The following SRCAP variants were observed in gnomAD, a reference collection of about 807,000 sequenced individuals.
The protein encoded by SRCAP is Snf2 related CREBBP activator protein, also known as chromatin remodeling protein SRCAP.
In SRCAP, 46 loss-of-function variants were observed where a neutral mutation model predicts 263.1. The ratio of observed to expected loss-of-function variants is 0.17; its 90% CI spans 0.14 to 0.22. The LOEUF (loss-of-function observed/expected upper bound fraction) is 0.22. Ranked by LOEUF, SRCAP falls within the 10% of genes least tolerant of loss-of-function variation. SRCAP has a pLI of 1.00. For synonymous variants in SRCAP, 1,813 were observed against 1,662.1 expected (o/e 1.09, Z -2.21); for missense variants, 3,695 against 4,181.9 (o/e 0.88, Z 3.21).
chr16:30,733,529 G>A lies in SRCAP; in HGVS notation c.6298-73G>A. ...CCCAGGATTTGGGCTTCCAGACGGG[G>A]TGCCACTAAGCCTTTAGACCTGTTT... On this transcript the variant is annotated intron_variant, in intron 28 of 33. Coordinates refer to ENST00000262518, the MANE Select transcript of SRCAP (RefSeq NM_006662.3). The surrounding 1 kb of genome is among the most constrained non-coding windows in gnomAD (Gnocchi z 5.3). The A allele has an allele frequency of 6.2e-7, 1 of 1,605,008 alleles. No homozygotes were observed. The highest frequency in any genetic ancestry group is 8.5e-7 in the Non-Finnish European group (1 of 1,174,372).
At chr16:30,722,312 G>T in intron 22 of SRCAP, 26 bp downstream of exon 22, 2 of 1,603,346 alleles carry the variant, frequency 1.2e-6, no homozygotes, top group Non-Finnish European at 1.7e-6. Context: ...CCCCTGTCCT[G>T]CCTTTTTCCT....
intron 25 of SRCAP, among the ~76,000 whole-genome samples, chr16:30,727,638 C>T (rs1428283965): frequency 1.3e-5 from 2 of 152,104 alleles, no homozygotes; most frequent in East Asian, 1.9e-4. Flanking sequence ...CTGCAACCTC[C>T]GCCTCCCAGG....
Position 30,723,035 on chromosome 16 carries a change from C to T in SRCAP, c.3965C>T (p.Thr1322Ile). ...AGACAAGCCCCTCGGGATGGACTGA[C>T]TCCTGTTCCTCCATTGGCCCCAGCA... ...VVRQAPRDGL[T>I]PVPPLAPAPR... Residue 1322 changes from threonine to isoleucine, a missense_variant, in exon 24 of 34, where the codon ACT becomes ATT. By Grantham distance (89) the Thr-to-Ile change is moderately conservative. Around this residue, in one of 12 missense-constraint regions of SRCAP, gnomAD observed 1,347 missense variants for 1,304.4 expected, o/e 1.03. Transcript: ENST00000262518. The T allele has an allele frequency of 1.2e-6, 2 of 1,614,122 alleles. No homozygotes were observed. Among genetic ancestry groups the T allele is most frequent in the Non-Finnish European group, 1.7e-6 (2 of 1,180,026 alleles).
intron 3 of SRCAP, among the ~76,000 whole-genome samples, chr16:30,703,401 C>T (rs1425825387): frequency 2.0e-5 from 3 of 149,990 alleles, no homozygotes; most frequent in African/African-American, 7.3e-5. Flanking sequence ...ACCATGTTGG[C>T]CAGGTTGGTC....
Position 30,739,363 on chromosome 16 carries a change from C to T in SRCAP, c.9323C>T (p.Pro3108Leu), listed in dbSNP as rs774866244. Residue 3108 changes from proline (P) to leucine (L), a missense_variant, in exon 34 of 34, where the codon CCA becomes CTA. Around this residue, in one of 12 missense-constraint regions of SRCAP, gnomAD observed 1,207 missense variants for 1,142.9 expected, o/e 1.06. Transcript: ENST00000262518. ...DSGPGGLELT[P>L]PVVSLTPKLR... is the part of the protein sequence containing the mutation. ...GGGCCAGGCGGGTTGGAATTGACACCACCTGTGGTCTCACTAACCCCAAAA... is the reference window on the plus strand; with the variant it reads ...GGGCCAGGCGGGTTGGAATTGACACTACCTGTGGTCTCACTAACCCCAAAA... 1 of 1,614,156 alleles carries T rather than the reference C, an allele frequency of 6.2e-7. No individual in the cohort carries two copies. Among genetic ancestry groups the T allele is most frequent in the Non-Finnish European group, 8.5e-7 (1 of 1,179,998 alleles).
chr16:30,716,548 G>A (rs2052952710), intron 18 of SRCAP, 69 bp downstream of exon 18: 21 of 1,443,454 alleles, frequency 1.5e-5, no homozygotes, highest in Middle Eastern at 1.9e-4. Flanking sequence ...ACCTCTTTTC[G>A]TTAGACTGGG....
At chr16:30,734,095 G>A in intron 30 of SRCAP, 87 bp downstream of exon 30, 1 of 1,223,164 alleles carries the variant, frequency 8.2e-7, no homozygotes, top group Non-Finnish European at 1.1e-6. Flanking sequence ...GACTGCTTTG[G>A]ACTTTGGGAG....
Position 30,739,937 on chromosome 16 carries a change from C to A in SRCAP, c.*204C>A. 1.3e-6 allele frequency: 1 copy of A among 791,414 alleles called. No individual in the cohort carries two copies. Among genetic ancestry groups the A allele is most frequent in the Non-Finnish European group, 1.8e-6 (1 of 552,502 alleles). The allele number at this position is 791,414 out of a possible 1,614,324, so 49.0% of individuals were successfully genotyped here. The stretch of plus-strand genomic sequence containing the variant: ...CATCACAGTCCCCTTCCCCTTCACC[C>A]CACGTGGCTGGGCAGTGTTAAGGGT... On this transcript the variant is annotated 3_prime_UTR_variant, in exon 34 of 34. Transcript: ENST00000262518.
rs527648472 is a variant in SRCAP at position 30,711,908 on chromosome 16, A to G, written c.1566A>G (p.Ala522=). The G allele has an allele frequency of 3.5e-5, 56 of 1,613,832 alleles. No homozygotes were observed. The Middle Eastern group carries it at 2.0e-3, about 57-fold the overall frequency. ...SEEEETSGSS[A]SEESESEESE... ...AGGAAGAAACAAGTGGAAGTTCAGCATCAGAGGAATCTGAGTCTGAAGAGT... is the reference window on the plus strand; with the variant it reads ...AGGAAGAAACAAGTGGAAGTTCAGCGTCAGAGGAATCTGAGTCTGAAGAGT... The change falls in exon 12 of 34, where the codon GCA becomes GCG. Residue 522 remains alanine, a synonymous_variant. Coordinates refer to ENST00000262518, the MANE Select transcript of SRCAP (RefSeq NM_006662.3).
rs183497403 is a variant in SRCAP, at chr16:30,704,071, C to T, written c.62C>T (p.Ser21Leu). 203 of 1,612,824 alleles carry T rather than the reference C, an allele frequency of 1.3e-4. No homozygotes were observed. Among genetic ancestry groups the T allele is most frequent in the East Asian group, 2.5e-4 (11 of 44,872 alleles). Residue 21 changes from serine (S) to leucine (L), a missense_variant, in exon 4 of 34, where the codon TCG becomes TTG. Around this residue, in one of 12 missense-constraint regions of SRCAP, gnomAD observed 122 missense variants for 116.9 expected, o/e 1.04. Transcript: ENST00000262518. ...QLPVLQTQMV[S>L]DGMTGSNPVS... The stretch of plus-strand genomic sequence containing the variant: ...CATTTTCCTCTTTTCTAGATGGTGT[C>T]GGACGGCATGACAGGCAGCAATCCT...
rs2052737867 is a variant in SRCAP, at chr16:30,699,202, C to T, written c.-324C>T. Reference sequence around the variant, plus strand: ...CCGTCGGGAGGGCTAGGGAGATGGTCACGAAACCTGAAGTCAAGAGTTAAG... The same window carrying T: ...CCGTCGGGAGGGCTAGGGAGATGGTTACGAAACCTGAAGTCAAGAGTTAAG... On this transcript the variant is annotated 5_prime_UTR_variant, in exon 1 of 34. Transcript: ENST00000262518. 1 of 398,706 alleles carries T rather than the reference C, an allele frequency of 2.5e-6. No homozygotes were observed. The highest frequency in any genetic ancestry group is 4.4e-6 in the Non-Finnish European group (1 of 226,138). The allele number at this position is 398,706 out of a possible 1,614,324, so 24.7% of individuals were successfully genotyped here.
chr16:30,724,606 C>G lies in SRCAP; in HGVS notation c.5182C>G (p.Pro1728Ala). ...TCCAGCATCATCCCTGGTACCAACT[C>G]CAGCCCAGACACTGTCTTTGGCACC... The part of the protein sequence containing the change: ...LTPASSLVPT[P>A]AQTLSLAPGP... The change falls in exon 25 of 34, where the codon CCA becomes GCA. Residue 1728 changes from proline (P) to alanine (A), a missense_variant. Transcript: ENST00000262518. The G allele has an allele frequency of 1.2e-6, 2 of 1,614,210 alleles. No homozygotes were observed. The highest frequency in any genetic ancestry group is 1.7e-6 in the Non-Finnish European group (2 of 1,180,044).
chr16:30,729,312 A>T, intron 26 of SRCAP, 58 bp from the exon 27 acceptor site: 1 of 1,606,896 alleles, frequency 6.2e-7, no homozygotes, highest in Admixed American at 1.7e-5. Context: ...TGAAGGTGTT[A>T]ACTTCTGGGG....
Position 30,707,274 on chromosome 16 carries a change from C to T in SRCAP, c.398C>T (p.Pro133Leu). ...CCTAAGGTGCCAGAGCCCCCTCGCC[C>T]CAAAGGTCACTGGGACTATTTGTGC... ...RLPKVPEPPR[P>L]KGHWDYLCEE... The change falls in exon 5 of 34, where the codon CCC becomes CTC. Residue 133 changes from proline (P) to leucine (L), a missense_variant. Physicochemically the swap from Pro to Leu is moderately conservative, Grantham distance 98. Transcript: ENST00000262518. The T allele has an allele frequency of 6.2e-7, 1 of 1,614,130 alleles. No individual in the cohort carries two copies. Among genetic ancestry groups the T allele is most frequent in the South Asian group, 1.1e-5 (1 of 91,082 alleles).
At chr16:30,700,302 A>G (rs776453124) in intron 2 of SRCAP, among the ~76,000 whole-genome samples, 8 of 152,226 alleles carry the variant, frequency 5.3e-5, no homozygotes, top group Non-Finnish European at 1.2e-4. Context: ...CGTAACTTAC[A>G]AAACAGATTA....
At chr16:30,706,315 G>A (rs1012607059) in intron 4 of SRCAP, among the ~76,000 whole-genome samples, 1 of 152,124 alleles carries the variant, frequency 6.6e-6, no homozygotes, top group Non-Finnish European at 1.5e-5. Context: ...AAAATTAGCT[G>A]GGCATGGTTG....
intron 16 of SRCAP, 24 bp downstream of exon 16, chr16:30,713,735 G>C (rs2052915598): frequency 1.2e-6 from 2 of 1,610,024 alleles, no homozygotes; most frequent in African/African-American, 2.7e-5. Context: ...CAGTTTGTCA[G>C]GGTATTGGGA....
chr16:30,710,540 G>A (rs2052876764), intron 8 of SRCAP: 2 of 761,344 alleles, frequency 2.6e-6, no homozygotes. Flanking sequence ...TTGTTACCTG[G>A]CACTTTCACA....
rs2053004604 is a variant in SRCAP, at chr16:30,720,863, A to G, written c.3138A>G (p.Pro1046=). The part of the protein sequence containing the change: ...PTPGPVPQVL[P]ASLMVSASPA... ...CTGGCCCAGTCCCCCAAGTGCTGCC[A>G]GCATCACTGATGGTTTCAGCCTCAC... The change falls in exon 20 of 34, where the codon CCA becomes CCG. Residue 1046 remains proline, a synonymous_variant. Coordinates refer to ENST00000262518, the MANE Select transcript of SRCAP (RefSeq NM_006662.3). 2.5e-6 allele frequency: 4 copies of G among 1,613,946 alleles called. No individual in the cohort carries two copies. The highest frequency in any genetic ancestry group is 4.5e-5 in the East Asian group (2 of 44,834).
Sources: allele counts gnomAD v4.1 joint callset (sites outside exome capture counted in the v4.1 genomes callset), GRCh38; gene constraint gnomAD v4.1.1; regional missense constraint gnomAD v4.1.1; non-coding constraint Gnocchi (gnomAD v3.1); transcripts MANE v1.5; gene names NCBI Gene and HGNC (gene_info 2026-07-23, HGNC 2026-07-21).